The following OPA3 variants were observed in gnomAD, a reference collection of about 807,000 sequenced individuals.
The protein encoded by OPA3 is outer mitochondrial membrane lipid metabolism regulator OPA3.
Under a neutral mutation model 4.0 loss-of-function variants are expected in OPA3, and 6 were observed. The ratio of observed to expected loss-of-function variants is 1.51; its 90% confidence interval spans 0.83 to 2.99. The LOEUF (loss-of-function observed/expected upper bound fraction) is 2.99, where lower values mean the gene tolerates loss of function less well. OPA3 is among the 30% of genes most tolerant of loss of function. The probability of loss-of-function intolerance (pLI) is 0.00; values close to 1 mark genes in which losing one functional copy is unlikely to be tolerated. For missense variants in OPA3, 235 were observed against 256.2 expected (o/e 0.92, Z 0.56); for synonymous variants, 105 against 117.1 (o/e 0.90, Z 0.67).
Position 45,551,841 on chromosome 19 carries a change from A to T in OPA3, c.*1673T>A. The T allele has an allele frequency of 1.0e-6, 1 of 985,582 alleles. No individual in the cohort carries two copies. Among genetic ancestry groups the T allele is most frequent in the African/African-American group, 1.7e-5 (1 of 57,344 alleles). 61.1% of individuals were successfully genotyped at this position (985,582 alleles called of 1,614,324 possible). On this transcript the variant is annotated 3_prime_UTR_variant, in exon 2 of 2. Transcript: ENST00000263275. ...AGAAAGCAAGAGCACACAGATTAGG[A>T]GACACGGATGGAAGATGAAGGATGT...
At chr19:45,536,144 G>A (rs553316869) in intron 1 of OPA3, among the ~76,000 whole-genome samples, 23 of 150,100 alleles carry the variant, frequency 1.5e-4, no homozygotes, top group Admixed American at 3.4e-4. Flanking sequence ...AAGGAGAATT[G>A]CATGAACCCA....
intron 1 of OPA3, among the ~76,000 whole-genome samples, chr19:45,582,596 G>A (rs1969872889): frequency 6.6e-6 from 1 of 152,164 alleles, no homozygotes; most frequent in African/African-American, 2.4e-5. Flanking sequence ...AAGCCAGTGA[G>A]CCAGGAGTGC....
At chr19:45,584,389 T>C in intron 1 of OPA3, 1 of 985,388 alleles carries the variant, frequency 1.0e-6, no homozygotes, top group Non-Finnish European at 1.2e-6. Flanking sequence ...TCTTCCTTTA[T>C]CGGCTGGCAT....
At chr19:45,531,465 A>G (rs940717713) in intron 1 of OPA3, among the ~76,000 whole-genome samples, 4 of 152,218 alleles carry the variant, frequency 2.6e-5, no homozygotes, top group East Asian at 3.8e-4. Flanking sequence ...TTAAATAAAC[A>G]GTTGTGGACA....
At position 45,549,187 on chromosome 19, in the gene OPA3, C is replaced by T. The variant is rs1969295890; in HGVS notation, c.*4327G>A. 1.0e-6 allele frequency: 1 copy of T among 985,268 alleles called. No individual in the cohort carries two copies. Among genetic ancestry groups the T allele is most frequent in the Non-Finnish European group, 1.2e-6 (1 of 829,936 alleles). The allele number at this position is 985,268 out of a possible 1,614,324, so 61.0% of individuals were successfully genotyped here. A position where few individuals can be genotyped will look rare whatever the true frequency, so the allele number is the denominator to read the frequency against. ...TTTACAAATTTATTCTAACCCCTCT[C>T]CCCAAATTACAAGGTACACAGAATT... On this transcript the variant is annotated 3_prime_UTR_variant, in exon 2 of 2. Transcript: ENST00000263275.
At chr19:45,582,874 C>T (rs2122524896) in intron 1 of OPA3, among the ~76,000 whole-genome samples, 1 of 152,284 alleles carries the variant, frequency 6.6e-6, no homozygotes, top group East Asian at 1.9e-4. Context: ...CAAAGGCAAT[C>T]CAGTCGCCAG....
At chr19:45,543,488 T>C (rs1361839642), downstream of OPA3, among the ~76,000 whole-genome samples, 2 of 151,988 alleles carry the variant, frequency 1.3e-5, no homozygotes, top group Non-Finnish European at 2.9e-5. Flanking sequence ...GCCTAATTTT[T>C]GCATTTTTAG....
intron 1 of OPA3, among the ~76,000 whole-genome samples, chr19:45,580,219 A>G (rs184817923): frequency 7.3e-4 from 110 of 150,188 alleles, no homozygotes; most frequent in African/African-American, 2.4e-3. Context: ...CAGGTCTTGA[A>G]ATTTGACTTC....
chr19:45,554,236 G>A (rs555700566), intron 1 of OPA3, among the ~76,000 whole-genome samples: 5 of 152,184 alleles, frequency 3.3e-5, no homozygotes, highest in Non-Finnish European at 5.9e-5. Context: ...TGGCACTGTC[G>A]CCCCACCCAC....
At chr19:45,581,072 AAC>A (rs1486493330) in intron 1 of OPA3, among the ~76,000 whole-genome samples, 4 of 152,156 alleles carry the variant, frequency 2.6e-5, no homozygotes, top group African/African-American at 9.7e-5. Context: ...TGCTGCCCTC[AAC>A]ACCTCCATTT....
downstream of OPA3, among the ~76,000 whole-genome samples, chr19:45,542,297 C>T (rs887223462): frequency 2.6e-5 from 4 of 152,132 alleles, no homozygotes; most frequent in African/African-American, 7.2e-5. Context: ...AACCTGTTCC[C>T]GGCTAGTACA....
At chr19:45,572,128 T>C (rs530555343) in intron 1 of OPA3, among the ~76,000 whole-genome samples, 6 of 144,712 alleles carry the variant, frequency 4.1e-5, no homozygotes, top group Non-Finnish European at 9.0e-5. Context: ...TATTGATATA[T>C]ATATATATTT....
chr19:45,576,717 C>A (rs1201498844), intron 1 of OPA3, among the ~76,000 whole-genome samples: 2 of 152,078 alleles, frequency 1.3e-5, no homozygotes, highest in African/African-American at 4.8e-5. Context: ...TCAAGGCCAG[C>A]GGGGCAGCAT....
In OPA3 at chr19:45,548,243, C is replaced by G. The variant is rs1009247426; in HGVS notation, c.*5271G>C. 3.0e-6 allele frequency: 3 copies of G among 985,474 alleles called. No homozygotes were observed. The African/African-American group carries it at 5.2e-5, about 17-fold the overall frequency. 61.0% of individuals were successfully genotyped at this position (985,474 alleles called of 1,614,324 possible). A position where few individuals can be genotyped will look rare whatever the true frequency, so the allele number is the denominator to read the frequency against. On this transcript the variant is annotated 3_prime_UTR_variant, in exon 2 of 2. Coordinates refer to ENST00000263275, the MANE Select transcript of OPA3 (RefSeq NM_025136.4). ...ACCAGCCCAGGAGTAGCTCCGTGAGCCAATAGATCAGGTTGGGGCTTATGT... is the reference window on the plus strand; with the variant it reads ...ACCAGCCCAGGAGTAGCTCCGTGAGGCAATAGATCAGGTTGGGGCTTATGT...
At chr19:45,535,766 T>C (rs151088837) in intron 1 of OPA3, among the ~76,000 whole-genome samples, 1 of 147,698 alleles carries the variant, frequency 6.8e-6, no homozygotes, top group Non-Finnish European at 1.5e-5. Context: ...TCTTTTCTTT[T>C]TTTTTTTTTT....
At position 45,547,520 on chromosome 19, in the gene OPA3, G is replaced by C. The variant is rs1473375510; in HGVS notation, c.*5994C>G. On this transcript the variant is annotated 3_prime_UTR_variant, in exon 2 of 2. Coordinates refer to ENST00000263275, the MANE Select transcript of OPA3 (RefSeq NM_025136.4). ...GAAACTCTTGCTGTTCCAGGAACAG[G>C]CCAAGGCCACATCTGTCCTAGGACT... is the stretch of plus-strand genomic sequence containing the variant. 2 of 152,308 alleles carry C rather than the reference G, an allele frequency of 1.3e-5. No homozygotes were observed. The highest frequency in any genetic ancestry group is 6.6e-5 in the Admixed American group (1 of 15,264). 9.4% of individuals were successfully genotyped at this position (152,308 alleles called of 1,614,324 possible).
Position 45,551,061 on chromosome 19 carries a change from G to T in OPA3, c.*2453C>A. The T allele has an allele frequency of 1.8e-6, 1 of 563,420 alleles. No homozygotes were observed. The highest frequency in any genetic ancestry group is 2.2e-6 in the Non-Finnish European group (1 of 444,594). The allele number at this position is 563,420 out of a possible 1,614,324, so 34.9% of individuals were successfully genotyped here. A position where few individuals can be genotyped will look rare whatever the true frequency, so the allele number is the denominator to read the frequency against. ...CTGCAGCCTCGACCTCCAGGGCTCA[G>T]GTGATCCTCCTGCCTCAGCCTCCCA... is the stretch of plus-strand genomic sequence containing the variant. On this transcript the variant is annotated 3_prime_UTR_variant, in exon 2 of 2. Transcript: ENST00000263275.
At chr19:45,579,687 A>C (rs1438188807) in intron 1 of OPA3, among the ~76,000 whole-genome samples, 4 of 152,022 alleles carry the variant, frequency 2.6e-5, no homozygotes, top group Non-Finnish European at 4.4e-5. Context: ...CTTAATCCTC[A>C]CCACAACACA....
At chr19:45,558,743 T>C (rs2122454795) in intron 1 of OPA3, among the ~76,000 whole-genome samples, 1 of 152,170 alleles carries the variant, frequency 6.6e-6, no homozygotes, top group East Asian at 1.9e-4. Context: ...TTATTTTTTT[T>C]AGACGGAGTC....
Sources: gnomAD v4.1 joint callset for allele counts (sites outside exome capture counted in the v4.1 genomes callset) on GRCh38, gnomAD v4.1.1 for gene constraint, MANE v1.5 for transcripts, NCBI Gene and HGNC (gene_info 2026-07-23, HGNC 2026-07-21) for gene names.